Variants in NRXN1 observed in about 807,000 individuals in gnomAD.
NRXN1 encodes neurexin 1.
A neutral mutation model predicts 150.9 loss-of-function variants in NRXN1; 39 were observed. That is an observed-to-expected ratio of 0.26 (90% CI 0.20 to 0.34). NRXN1 has a LOEUF of 0.34. Among genes scored for constraint, NRXN1 ranks in the 10% least tolerant of loss-of-function variants. The probability of loss-of-function intolerance (pLI) is 1.00; values close to 1 mark genes in which losing one functional copy is unlikely to be tolerated. For missense variants in NRXN1, 1,815 were observed against 1,949.9 expected, an observed-to-expected ratio of 0.93 and a Z score of 1.30; for synonymous variants, 924 against 757.0, an observed-to-expected ratio of 1.22 and a Z score of -3.62.
intron 17 of NRXN1, among the ~76,000 whole-genome samples, chr2:50,282,289 A>G (rs2071564847): frequency 6.6e-6 from 1 of 152,184 alleles, no homozygotes. Context: ...ATGTAGTTCT[A>G]TTTAATTTTA....
At chr2:50,820,463 G>C (rs185385399) in intron 5 of NRXN1, among the ~76,000 whole-genome samples, 1 of 152,076 alleles carries the variant, frequency 6.6e-6, no homozygotes, top group Non-Finnish European at 1.5e-5. Flanking sequence ...TTGCTCAGCT[G>C]TACTGCTATG....
chr2:50,301,212 A>C (rs2074118776), intron 17 of NRXN1, among the ~76,000 whole-genome samples: 1 of 152,224 alleles, frequency 6.6e-6, no homozygotes. Context: ...AACTTTTACA[A>C]TAATAGCAAA....
rs148689304 is a variant in NRXN1 at position 50,156,274 on chromosome 2, G to GGGCTAA, written c.3547-64786_3547-64781dup. ...ATCTCTCTCTAGGTAGTAAAACCAA[G>GGGCTAA]GGCTAAGTCTTTTTAGAGGCCCCAT... On this transcript the variant is annotated intron_variant, in intron 18 of 22. Coordinates refer to ENST00000401669, the MANE Select transcript of NRXN1 (RefSeq NM_001330078.2). Among the ~76,000 whole-genome samples, 51 of 151,904 alleles carry GGGCTAA rather than the reference G, an allele frequency of 3.4e-4. No individual in the cohort carries two copies. In the East Asian group the frequency reaches 9.1e-3, roughly 27 times the overall value.
intron 4 of NRXN1, 94 bp from the exon 5 acceptor site, chr2:50,921,974 T>C: frequency 1.7e-6 from 1 of 600,950 alleles, no homozygotes; most frequent in South Asian, 4.5e-5. Flanking sequence ...TGAACATATG[T>C]AAAGCCACTA....
chr2:50,710,538 A>T (rs1226217539), intron 5 of NRXN1, among the ~76,000 whole-genome samples: 2 of 152,152 alleles, frequency 1.3e-5, no homozygotes. Flanking sequence ...TATAATTTCA[A>T]TAGTTTGTTC....
chr2:50,129,253 T>C (rs1418037460), intron 18 of NRXN1, among the ~76,000 whole-genome samples: 1 of 152,116 alleles, frequency 6.6e-6, no homozygotes, highest in Non-Finnish European at 1.5e-5. Flanking sequence ...CAAAGTCAGC[T>C]TTCTTTGATC....
intron 18 of NRXN1, among the ~76,000 whole-genome samples, chr2:50,092,393 A>C (rs1699702603): frequency 6.6e-6 from 1 of 152,210 alleles, no homozygotes; most frequent in Non-Finnish European, 1.5e-5. Flanking sequence ...TTTCTAAAGC[A>C]TGTGGATTTG....
chr2:50,202,484 C>A (rs1327807104), intron 18 of NRXN1, among the ~76,000 whole-genome samples: 8 of 151,578 alleles, frequency 5.3e-5, no homozygotes, highest in Non-Finnish European at 1.0e-4. Context: ...CCAGCCTGGG[C>A]AACAGAGTGA....
At chr2:49,925,658 T>G (rs989182604) in intron 22 of NRXN1, among the ~76,000 whole-genome samples, 6 of 151,968 alleles carry the variant, frequency 3.9e-5, no homozygotes, top group Non-Finnish European at 8.8e-5. Flanking sequence ...TATAATAAAC[T>G]AAAATAAGAC....
At chr2:50,655,215 C>T (rs1055586335) in intron 5 of NRXN1, among the ~76,000 whole-genome samples, 1 of 151,678 alleles carries the variant, frequency 6.6e-6, no homozygotes, top group African/African-American at 2.4e-5. Flanking sequence ...AGCTCTATTT[C>T]CCTTTACTTT....
chr2:50,625,606 T>C (rs1008785900), intron 5 of NRXN1, among the ~76,000 whole-genome samples: 1 of 152,074 alleles, frequency 6.6e-6, no homozygotes, highest in Non-Finnish European at 1.5e-5. Flanking sequence ...CAGTCCAACA[T>C]GGCAAGTGGT....
At chr2:50,836,183 C>T (rs996628373) in intron 5 of NRXN1, among the ~76,000 whole-genome samples, 3 of 152,046 alleles carry the variant, frequency 2.0e-5, no homozygotes, top group Admixed American at 6.6e-5. Context: ...CGTCTGTAAC[C>T]TCCCTTTTGT....
chr2:50,691,286 C>T (rs1288097604), intron 5 of NRXN1, among the ~76,000 whole-genome samples: 1 of 152,084 alleles, frequency 6.6e-6, no homozygotes, highest in Non-Finnish European at 1.5e-5. Flanking sequence ...TAGAACTGGG[C>T]TTGCATACTG....
At chr2:50,448,233 C>T (rs1439003203) in intron 17 of NRXN1, among the ~76,000 whole-genome samples, 9 of 152,102 alleles carry the variant, frequency 5.9e-5, no homozygotes, top group Non-Finnish European at 1.0e-4. Context: ...GCTGTGGATA[C>T]ACCACCAAAG....
chr2:50,940,832 C>T (rs1407981982), intron 2 of NRXN1, among the ~76,000 whole-genome samples: 1 of 152,066 alleles, frequency 6.6e-6, no homozygotes, highest in African/African-American at 2.4e-5. Flanking sequence ...CCCCTGTCCC[C>T]AAAAGGGCAT....
chr2:50,229,329 T>TG (rs1553792879), intron 18 of NRXN1, among the ~76,000 whole-genome samples: 1 of 125,424 alleles, frequency 8.0e-6, no homozygotes, highest in Admixed American at 7.4e-5. Context: ...GCATTTTTTT[T>TG]TGTGTGTGTG....
intron 8 of NRXN1, among the ~76,000 whole-genome samples, chr2:50,557,122 C>T (rs1281173580): frequency 2.0e-5 from 3 of 152,092 alleles, no homozygotes; most frequent in African/African-American, 4.8e-5. Flanking sequence ...TTATATCTAC[C>T]TAAGTTTTGT....
intron 18 of NRXN1, among the ~76,000 whole-genome samples, chr2:50,155,359 G>C (rs2058951914): frequency 6.6e-6 from 1 of 150,930 alleles, no homozygotes; most frequent in Non-Finnish European, 1.5e-5. Context: ...TATTTTGCTT[G>C]GGGCCCTCAG....
chr2:49,938,117 C>T lies in NRXN1; in HGVS notation c.4216+5587G>A, dbSNP rs188382356. Among the ~76,000 whole-genome samples the T allele has an allele frequency of 1.2e-4, 19 of 152,172 alleles. No homozygotes were observed. The East Asian group carries it at 1.4e-3, about 11-fold the overall frequency. The stretch of plus-strand genomic sequence containing the variant: ...TTATTTAAATGAACTTTTGAAAAAT[C>T]GATTCTATATTTGTGAGGTGCCTGA... On this transcript the variant is annotated intron_variant, in intron 22 of 22. Transcript: ENST00000401669.
Sources: allele counts gnomAD v4.1 joint callset (sites outside exome capture counted in the v4.1 genomes callset), GRCh38; gene constraint gnomAD v4.1.1; transcripts MANE v1.5; gene names NCBI Gene and HGNC (gene_info 2026-07-23, HGNC 2026-07-21).